Variants in DGKB observed in about 807,000 individuals in gnomAD.
DGKB encodes the protein 90 kDa diacylglycerol kinase.
DGKB carries 67 observed loss-of-function variants against 114.3 expected under a neutral mutation model. The ratio of observed to expected loss-of-function variants is 0.59; its 90% CI spans 0.48 to 0.72. The LOEUF (loss-of-function observed/expected upper bound fraction) is 0.72, where lower values mean the gene tolerates loss of function less well. Ranked by LOEUF, DGKB falls within the 30% of genes least tolerant of loss-of-function variation. The pLI is 0.00. For missense variants in DGKB, 907 were observed against 975.2 expected (o/e 0.93, Z 0.93); for synonymous variants, 398 against 323.1 (o/e 1.23, Z -2.49).
chr7:14,546,407 C>G (rs1329905787), intron 20 of DGKB, among the ~76,000 whole-genome samples: 1 of 152,144 alleles, frequency 6.6e-6, no homozygotes, highest in Non-Finnish European at 1.5e-5. Context: ...TTTCGCGTGA[C>G]TGTAACTCAG....
intron 23 of DGKB, among the ~76,000 whole-genome samples, chr7:14,325,325 A>C (rs1014995186): frequency 5.3e-5 from 8 of 152,166 alleles, no homozygotes; most frequent in African/African-American, 9.7e-5. Context: ...CGAGGGAATC[A>C]GTGCTGTTGG....
intron 10 of DGKB, among the ~76,000 whole-genome samples, chr7:14,683,861 G>C (rs1821240564): frequency 6.6e-6 from 1 of 151,874 alleles, no homozygotes; most frequent in Non-Finnish European, 1.5e-5. Context: ...AAATAATATT[G>C]AATATTGCAT....
At chr7:14,474,891 T>A (rs919449129) in intron 21 of DGKB, among the ~76,000 whole-genome samples, 7 of 152,024 alleles carry the variant, frequency 4.6e-5, no homozygotes, top group Non-Finnish European at 7.4e-5. Context: ...GTTGGAAGAA[T>A]ATCTTAAAGT....
chr7:14,862,504 A>C (rs1283459022), intron 1 of DGKB, among the ~76,000 whole-genome samples: 2 of 152,002 alleles, frequency 1.3e-5, no homozygotes, highest in Non-Finnish European at 2.9e-5. Flanking sequence ...TAATAATATT[A>C]TTTTCATCTT....
intron 2 of DGKB, among the ~76,000 whole-genome samples, chr7:14,788,562 C>G (rs1161006118): frequency 6.6e-6 from 1 of 152,150 alleles, no homozygotes; most frequent in Non-Finnish European, 1.5e-5. Flanking sequence ...TCCACTTACC[C>G]TAATCACCTC....
chr7:14,422,362 T>C (rs1477777305), intron 21 of DGKB, among the ~76,000 whole-genome samples: 1 of 152,066 alleles, frequency 6.6e-6, no homozygotes, highest in Non-Finnish European at 1.5e-5. Context: ...TTGCAAACAT[T>C]GTGTACAGTC....
chr7:14,362,532 C>A (rs1197827789), intron 21 of DGKB, among the ~76,000 whole-genome samples: 1 of 152,000 alleles, frequency 6.6e-6, no homozygotes, highest in Non-Finnish European at 1.5e-5. Context: ...TTTCTGCCCT[C>A]ATATTGCTTA....
chr7:14,759,472 C>T (rs549384949), intron 2 of DGKB, among the ~76,000 whole-genome samples: 34 of 152,188 alleles, frequency 2.2e-4, no homozygotes, highest in African/African-American at 7.7e-4. Context: ...TATGGATTTG[C>T]CTATTCTGGA....
At chr7:14,817,813 A>G (rs1844372892) in intron 2 of DGKB, among the ~76,000 whole-genome samples, 1 of 152,186 alleles carries the variant, frequency 6.6e-6, no homozygotes, top group African/African-American at 2.4e-5. Context: ...ATAATGATAT[A>G]GCGCAAAGTG....
chr7:14,703,643 G>A (rs1825615287), intron 6 of DGKB, among the ~76,000 whole-genome samples: 2 of 152,034 alleles, frequency 1.3e-5, no homozygotes, highest in Admixed American at 6.6e-5. Context: ...GATGGGAGGC[G>A]GCAGTGATTT....
intron 1 of DGKB, among the ~76,000 whole-genome samples, chr7:14,973,661 A>G (rs1222321399): frequency 2.0e-5 from 3 of 150,050 alleles, no homozygotes; most frequent in Non-Finnish European, 4.4e-5. Context: ...GAAAACAAAT[A>G]GCCTTTTAAT....
chr7:14,517,459 T>TAAC (rs1278579605), intron 20 of DGKB, among the ~76,000 whole-genome samples: 1 of 151,212 alleles, frequency 6.6e-6, no homozygotes, highest in East Asian at 1.9e-4. Flanking sequence ...ACCCAAAAAT[T>TAAC]AACAAATGGG....
chr7:14,177,033 G>A, intron 24 of DGKB, 134 bp from the exon 25 acceptor site: 1 of 948,310 alleles, frequency 1.1e-6, no homozygotes, highest in Middle Eastern at 2.6e-4. Context: ...TCCAATGAAA[G>A]GAGCTTCAAC....
chr7:14,694,765 T>C (rs924524710), intron 8 of DGKB, among the ~76,000 whole-genome samples: 2 of 152,164 alleles, frequency 1.3e-5, no homozygotes, highest in African/African-American at 2.4e-5. Flanking sequence ...CTCTGTGGTA[T>C]GGTGGCAATA....
chr7:14,555,532 A>G (rs1795749575), intron 20 of DGKB, among the ~76,000 whole-genome samples: 1 of 152,222 alleles, frequency 6.6e-6, no homozygotes, highest in African/African-American at 2.4e-5. Flanking sequence ...TGATCTCTTA[A>G]TAATACTGAA....
intron 1 of DGKB, among the ~76,000 whole-genome samples, chr7:14,890,457 T>A (rs961701837): frequency 6.6e-6 from 1 of 151,370 alleles, no homozygotes; most frequent in African/African-American, 2.4e-5. Flanking sequence ...AATATTTACT[T>A]CCATGGAAAA....
chr7:14,412,540 G>C (rs1825060396), intron 21 of DGKB, among the ~76,000 whole-genome samples: 1 of 152,160 alleles, frequency 6.6e-6, no homozygotes, highest in South Asian at 2.1e-4. Context: ...TGAGCCTGAG[G>C]CTCAGGGAGT....
chr7:14,517,183 G>A (rs1257013652), intron 20 of DGKB, among the ~76,000 whole-genome samples: 4 of 151,992 alleles, frequency 2.6e-5, no homozygotes, highest in Non-Finnish European at 5.9e-5. Context: ...CTTCAACAAA[G>A]CTGACAAAAA....
At chr7:14,326,159 G>T (rs1336704168) in intron 23 of DGKB, among the ~76,000 whole-genome samples, 2 of 151,162 alleles carry the variant, frequency 1.3e-5, no homozygotes, top group African/African-American at 4.9e-5. Context: ...AAGAAACTCA[G>T]TAGCCTTCAA....
Sources: allele counts gnomAD v4.1 joint callset (sites outside exome capture counted in the v4.1 genomes callset), GRCh38; gene constraint gnomAD v4.1.1; transcripts MANE v1.5; gene names NCBI Gene and HGNC (gene_info 2026-07-23, HGNC 2026-07-21).